Variants in MNAT1 observed in about 807,000 individuals in gnomAD.
MNAT1 encodes the protein MNAT1 component of CDK activating kinase, also known as CDK-activating kinase assembly factor MAT1.
Under a neutral mutation model 42.0 loss-of-function variants are expected in MNAT1, and 43 were observed. The ratio of observed to expected loss-of-function variants is 1.02; its 90% CI spans 0.80 to 1.32. MNAT1 has a LOEUF of 1.32. Among genes scored for constraint, MNAT1 ranks in the 40% most tolerant of loss-of-function variants. MNAT1 has a pLI of 0.00. For synonymous variants in MNAT1, 118 were observed against 120.0 expected, an observed-to-expected ratio of 0.98 and a Z score of 0.11; for missense variants, 306 against 350.4, an observed-to-expected ratio of 0.87 and a Z score of 1.01.
Position 60,921,231 on chromosome 14 carries a change from A to G in MNAT1, c.809+41396A>G, listed in dbSNP as rs142965934. On this transcript the variant is annotated intron_variant, in intron 7 of 7. Transcript: ENST00000261245. The stretch of plus-strand genomic sequence containing the variant: ...TTAAATTTGAAGGAGAATTCATACA[A>G]TATAATGTATTAAGACATGTTAGCG... Among the ~76,000 whole-genome samples the G allele has an allele frequency of 4.7e-3, 718 of 152,316 alleles. 9 individuals carry two copies. The highest frequency in any genetic ancestry group is 0.015 in the African/African-American group (624 of 41,578).
At chr14:60,752,779 T>A (rs1566751653) in intron 1 of MNAT1, among the ~76,000 whole-genome samples, 1 of 152,230 alleles carries the variant, frequency 6.6e-6, no homozygotes, top group Non-Finnish European at 1.5e-5. Context: ...TATTATTATT[T>A]TTTGAGATGG....
At chr14:60,839,538 A>T (rs1183161845) in intron 6 of MNAT1, among the ~76,000 whole-genome samples, 1 of 152,214 alleles carries the variant, frequency 6.6e-6, no homozygotes, top group African/African-American at 2.4e-5. Flanking sequence ...AAGAGCTGTA[A>T]CACAAACAGG....
chr14:60,812,253 G>A, intron 5 of MNAT1, 126 bp downstream of exon 5: 1 of 886,884 alleles, frequency 1.1e-6, no homozygotes, highest in Non-Finnish European at 1.6e-6. Flanking sequence ...CTTTAGTTTT[G>A]TTGGTTATGT....
chr14:60,915,572 A>G (rs999331987), intron 7 of MNAT1, among the ~76,000 whole-genome samples: 3 of 152,176 alleles, frequency 2.0e-5, no homozygotes, highest in East Asian at 1.9e-4. Flanking sequence ...AGAAAATAGA[A>G]TCTCACCATT....
At chr14:60,896,455 C>A (rs2034958714) in intron 7 of MNAT1, among the ~76,000 whole-genome samples, 1 of 152,164 alleles carries the variant, frequency 6.6e-6, no homozygotes, top group East Asian at 1.9e-4. Context: ...CAACTAGATT[C>A]ATCCATTTCA....
Position 60,734,836 on chromosome 14 carries a change from G to T in MNAT1, c.-27G>T. On this transcript the variant is annotated 5_prime_UTR_variant, in exon 1 of 8. Coordinates refer to ENST00000261245, the MANE Select transcript of MNAT1 (RefSeq NM_002431.4). The surrounding 1 kb of genome is among the most constrained non-coding windows in gnomAD (Gnocchi z 4.3). ...GTGGCTCTGGCTGAAACAGGCGCCT[G>T]CGAGAGTCTGTAGGAGGGAAACCGC... The T allele has an allele frequency of 1.2e-6, 2 of 1,612,254 alleles. No individual in the cohort carries two copies. Among genetic ancestry groups the T allele is most frequent in the Non-Finnish European group, 1.7e-6 (2 of 1,178,384 alleles).
chr14:60,897,204 G>T (rs1262632504), intron 7 of MNAT1, among the ~76,000 whole-genome samples: 2 of 151,986 alleles, frequency 1.3e-5, no homozygotes, highest in East Asian at 3.8e-4. Flanking sequence ...ATATAAATTT[G>T]TCATATATAT....
At chr14:60,949,718 T>C (rs1197471124) in intron 7 of MNAT1, among the ~76,000 whole-genome samples, 2 of 152,162 alleles carry the variant, frequency 1.3e-5, no homozygotes, top group Non-Finnish European at 2.9e-5. Context: ...AGCATTCTAT[T>C]TCAGAAAAGC....
intron 6 of MNAT1, among the ~76,000 whole-genome samples, chr14:60,851,468 C>T (rs1270747472): frequency 6.6e-6 from 1 of 152,098 alleles, no homozygotes; most frequent in Admixed American, 6.5e-5. Flanking sequence ...AGCATATTCT[C>T]ACTTTGTGTC....
At chr14:60,950,982 A>T (rs191930868) in intron 7 of MNAT1, among the ~76,000 whole-genome samples, 2 of 152,302 alleles carry the variant, frequency 1.3e-5, no homozygotes, top group Admixed American at 1.3e-4. Flanking sequence ...AACATTTTTA[A>T]GTAGCCATGG....
intron 1 of MNAT1, among the ~76,000 whole-genome samples, chr14:60,765,676 T>C (rs1291770734): frequency 1.3e-5 from 2 of 152,132 alleles, no homozygotes; most frequent in Non-Finnish European, 2.9e-5. Context: ...AAAATAATCA[T>C]TGGAAAACAG....
chr14:60,766,209 T>G (rs2140303372), intron 1 of MNAT1, among the ~76,000 whole-genome samples: 1 of 151,760 alleles, frequency 6.6e-6, no homozygotes, highest in East Asian at 1.9e-4. Context: ...TTAGCCAGGC[T>G]TGGTGGTGGG....
chr14:60,935,929 G>GC (rs1170728085), intron 7 of MNAT1, among the ~76,000 whole-genome samples: 1 of 152,132 alleles, frequency 6.6e-6, no homozygotes, highest in Admixed American at 6.6e-5. Context: ...ACATTGAAAG[G>GC]TGAGTAGAAC....
chr14:60,824,390 A>T (rs1354244655), intron 6 of MNAT1, among the ~76,000 whole-genome samples: 1 of 152,186 alleles, frequency 6.6e-6, no homozygotes, highest in Non-Finnish European at 1.5e-5. Context: ...TCATATTTTA[A>T]CATAGTTTTA....
At chr14:60,846,406 G>C (rs1233349351) in intron 6 of MNAT1, among the ~76,000 whole-genome samples, 1 of 151,118 alleles carries the variant, frequency 6.6e-6, no homozygotes, top group Non-Finnish European at 1.5e-5. Flanking sequence ...AATTTTTTTT[G>C]ATTTCCATTT....
chr14:60,841,659 A>G (rs1409112672), intron 6 of MNAT1, among the ~76,000 whole-genome samples: 1 of 152,052 alleles, frequency 6.6e-6, no homozygotes, highest in African/African-American at 2.4e-5. Context: ...AGTGCGTTAC[A>G]TATTTCTGTC....
chr14:60,935,135 C>T (rs2139576155), intron 7 of MNAT1, among the ~76,000 whole-genome samples: 1 of 152,038 alleles, frequency 6.6e-6, no homozygotes, highest in Admixed American at 6.5e-5. Context: ...TTTCCTTTTC[C>T]CTAAGTTTTT....
At chr14:60,918,793 A>G (rs574000032) in intron 7 of MNAT1, among the ~76,000 whole-genome samples, 3 of 149,926 alleles carry the variant, frequency 2.0e-5, no homozygotes, top group South Asian at 4.2e-4. Flanking sequence ...AGTGACTGCA[A>G]ATGGGCATGA....
rs190135267 is a variant in MNAT1 at position 60,793,187 on chromosome 14, T to G, written c.90-3030T>G. 3.4e-3 allele frequency among the ~76,000 whole-genome samples: 518 copies of G among 151,452 alleles called. 3 individuals carry two copies. The highest frequency in any genetic ancestry group is 0.012 in the African/African-American group (502 of 41,294). On this transcript the variant is annotated intron_variant, in intron 1 of 7. Transcript: ENST00000261245. Reference sequence around the variant, plus strand: ...CCCGGCTAATTTGTTGGTGTTGTTGTTGTTGTTTTTTGCTTGTTTGTTTGT... The same window carrying G: ...CCCGGCTAATTTGTTGGTGTTGTTGGTGTTGTTTTTTGCTTGTTTGTTTGT...
Sources: allele counts gnomAD v4.1 joint callset (sites outside exome capture counted in the v4.1 genomes callset), GRCh38; gene constraint gnomAD v4.1.1; non-coding constraint Gnocchi (gnomAD v3.1); transcripts MANE v1.5; gene names NCBI Gene and HGNC (gene_info 2026-07-23, HGNC 2026-07-21).